Variants in AKAP6 observed in about 807,000 individuals in gnomAD.
AKAP6 encodes A-kinase anchoring protein 6.
In AKAP6, 58 loss-of-function variants were observed where a neutral mutation model predicts 188.5. The observed-to-expected ratio is 0.31, with a 90% CI of 0.25 to 0.38. The LOEUF is 0.38. Among genes scored for constraint, AKAP6 ranks in the 10% least tolerant of loss-of-function variants. The probability of loss-of-function intolerance (pLI) is 1.00; values close to 1 mark genes in which losing one functional copy is unlikely to be tolerated. For missense variants in AKAP6, 2,710 were observed against 2,740.0 expected (o/e 0.99, Z 0.24); for synonymous variants, 989 against 998.6 (o/e 0.99, Z 0.18).
At chr14:32,626,519 T>C (rs1887031950) in intron 7 of AKAP6, among the ~76,000 whole-genome samples, 1 of 152,086 alleles carries the variant, frequency 6.6e-6, no homozygotes, top group African/African-American at 2.4e-5. Flanking sequence ...ACGAAATCGC[T>C]TCTCCAGGCT....
intron 1 of AKAP6, among the ~76,000 whole-genome samples, chr14:32,334,437 A>G (rs981793706): frequency 2.6e-5 from 4 of 152,158 alleles, no homozygotes; most frequent in African/African-American, 9.7e-5. Context: ...TCTCGCTATC[A>G]TAATGCCCAT....
At chr14:32,376,823 A>C (rs890787984) in intron 1 of AKAP6, among the ~76,000 whole-genome samples, 54 of 152,152 alleles carry the variant, frequency 3.5e-4, no homozygotes, top group African/African-American at 1.3e-3. Context: ...CAGCCTCCTG[A>C]GTAGCTGGGA....
chr14:32,794,643 G>A (rs905899109), intron 12 of AKAP6, among the ~76,000 whole-genome samples: 7 of 152,280 alleles, frequency 4.6e-5, no homozygotes, highest in Non-Finnish European at 8.8e-5. Context: ...GGTTGCTAAA[G>A]CTATGTTAAG....
intron 1 of AKAP6, among the ~76,000 whole-genome samples, chr14:32,357,825 T>C (rs973429681): frequency 1.4e-4 from 22 of 152,358 alleles, no homozygotes; most frequent in Non-Finnish European, 2.6e-4. Context: ...GAAGGACATC[T>C]GTTAGTAGTG....
At chr14:32,565,158 T>C (rs370829923) in intron 4 of AKAP6, among the ~76,000 whole-genome samples, 11 of 152,284 alleles carry the variant, frequency 7.2e-5, no homozygotes, top group African/African-American at 2.6e-4. Context: ...GTATGTTGCT[T>C]TCTCTTACTA....
At chr14:32,760,752 G>A (rs2139944169) in intron 11 of AKAP6, among the ~76,000 whole-genome samples, 1 of 152,226 alleles carries the variant, frequency 6.6e-6, no homozygotes, top group East Asian at 1.9e-4. Context: ...TCTTCACTTT[G>A]TTTTAGCTAT....
intron 2 of AKAP6, among the ~76,000 whole-genome samples, chr14:32,526,294 G>A (rs1882121411): frequency 6.6e-6 from 1 of 151,970 alleles, no homozygotes; most frequent in African/African-American, 2.4e-5. Flanking sequence ...GTGCAGTGGC[G>A]AAATCTCAGC....
At chr14:32,814,919 T>C (rs1224216478) in intron 12 of AKAP6, among the ~76,000 whole-genome samples, 1 of 152,112 alleles carries the variant, frequency 6.6e-6, no homozygotes, top group Non-Finnish European at 1.5e-5. Context: ...TTTAAGAAGC[T>C]GCTTCATGCC....
intron 2 of AKAP6, among the ~76,000 whole-genome samples, chr14:32,453,675 C>A (rs967815375): frequency 7.3e-6 from 1 of 137,834 alleles, no homozygotes; most frequent in Non-Finnish European, 1.5e-5. Flanking sequence ...CCGCTCACTG[C>A]AAGCTCCGCC....
At chr14:32,634,782 G>C (rs1272388527) in intron 7 of AKAP6, among the ~76,000 whole-genome samples, 1 of 151,990 alleles carries the variant, frequency 6.6e-6, no homozygotes, top group Non-Finnish European at 1.5e-5. Flanking sequence ...TTCCTAAATA[G>C]ACCTAAAATT....
chr14:32,407,667 A>G (rs914285857), intron 1 of AKAP6, among the ~76,000 whole-genome samples: 1 of 152,104 alleles, frequency 6.6e-6, no homozygotes, highest in African/African-American at 2.4e-5. Context: ...TTCAGTTCCT[A>G]GTGTTTTTCA....
chr14:32,351,562 CA>C (rs71432045), intron 1 of AKAP6, among the ~76,000 whole-genome samples: 97 of 116,506 alleles, frequency 8.3e-4, no homozygotes, highest in Admixed American at 1.3e-3. Flanking sequence ...GACTTCATCT[CA>C]AAAAAAAAAA....
Position 32,744,306 on chromosome 14 carries a change from A to ATTATT in AKAP6, c.3372+8447_3372+8451dup, listed in dbSNP as rs574134264. Among the ~76,000 whole-genome samples, 632 of 148,222 alleles carry ATTATT rather than the reference A, an allele frequency of 4.3e-3. 3 individuals are homozygous for ATTATT. The highest frequency in any genetic ancestry group is 0.014 in the Middle Eastern group (4 of 292). On this transcript the variant is annotated intron_variant, in intron 11 of 13. Transcript: ENST00000280979. ...TGTTATATTCTGTTCTTTTTTTTTAATTATTTTATTTTATTTTATTTTATT... is the reference window on the plus strand; with the variant it reads ...TGTTATATTCTGTTCTTTTTTTTTAATTATTTTATTTTATTTTATTTTATTTTATT...
At chr14:32,770,316 A>G (rs953246076) in intron 11 of AKAP6, among the ~76,000 whole-genome samples, 78 of 152,218 alleles carry the variant, frequency 5.1e-4, no homozygotes, top group Non-Finnish European at 8.2e-4. Flanking sequence ...CCTAAAGATT[A>G]TCAAATTATA....
At chr14:32,436,137 G>A (rs991160328) in intron 2 of AKAP6, among the ~76,000 whole-genome samples, 1 of 152,038 alleles carries the variant, frequency 6.6e-6, no homozygotes, top group Non-Finnish European at 1.5e-5. Flanking sequence ...GCTGTGATGG[G>A]GCATCTTAAC....
intron 2 of AKAP6, among the ~76,000 whole-genome samples, chr14:32,496,944 G>A (rs1281855428): frequency 6.6e-6 from 1 of 152,172 alleles, no homozygotes; most frequent in Non-Finnish European, 1.5e-5. Context: ...GTATGCATGT[G>A]TTATGTCCTT....
chr14:32,364,439 C>T (rs940009681), intron 1 of AKAP6, among the ~76,000 whole-genome samples: 9 of 152,026 alleles, frequency 5.9e-5, no homozygotes, highest in Admixed American at 4.6e-4. Context: ...GCAGCTGTAA[C>T]CTCAGTGCTC....
chr14:32,603,489 T>A (rs1235027210), intron 7 of AKAP6, among the ~76,000 whole-genome samples: 1 of 152,130 alleles, frequency 6.6e-6, no homozygotes, highest in African/African-American at 2.4e-5. Context: ...GGAGAAACAT[T>A]GTCAGCATTT....
At chr14:32,496,509 TG>T (rs530848966) in intron 2 of AKAP6, among the ~76,000 whole-genome samples, 2 of 152,048 alleles carry the variant, frequency 1.3e-5, no homozygotes, top group South Asian at 2.1e-4. Flanking sequence ...ATATATTGGA[TG>T]TTAAATTGTG....
Sources: gnomAD v4.1 joint callset for allele counts (sites outside exome capture counted in the v4.1 genomes callset) on GRCh38, gnomAD v4.1.1 for gene constraint, MANE v1.5 for transcripts, NCBI Gene and HGNC (gene_info 2026-07-23, HGNC 2026-07-21) for gene names.